SYT14: variants seen among roughly 807,000 people sequenced by gnomAD.
SYT14 encodes the protein synaptotagmin 14.
In SYT14, 32 loss-of-function variants were observed where a neutral mutation model predicts 74.2. That is an observed-to-expected ratio of 0.43 (90% CI 0.33 to 0.58). The LOEUF (loss-of-function observed/expected upper bound fraction) is 0.58. Among genes scored for constraint, SYT14 ranks in the 20% least tolerant of loss-of-function variants. SYT14 has a pLI of 0.05. For synonymous variants in SYT14, 298 were observed against 337.7 expected (o/e 0.88, Z 1.29); for missense variants, 791 against 981.8 (o/e 0.81, Z 2.60).
At position 210,134,064 on chromosome 1, in the gene SYT14, TTTTA is replaced by T. The variant is rs201522718; in HGVS notation, c.2035-21637_2035-21634del. On this transcript the variant is annotated intron_variant, in intron 7 of 9. Coordinates refer to ENST00000637265, the Ensembl canonical transcript of SYT14. ...TTGGTTAGGTTTTGTTGTTGTTGATTTTTATTTATTTATTTATTTATTTTTGAGA... is the reference window on the plus strand; with the variant it reads ...TTGGTTAGGTTTTGTTGTTGTTGATTTTTATTTATTTATTTATTTTTGAGA... Among the ~76,000 whole-genome samples, 248 of 151,734 alleles carry T rather than the reference TTTTA, an allele frequency of 1.6e-3. 1 individual carries two copies. The highest frequency in any genetic ancestry group is 5.4e-3 in the African/African-American group (224 of 41,430).
intron 7 of SYT14, among the ~76,000 whole-genome samples, chr1:210,150,389 C>T (rs78543387): frequency 0.037 from 5,687 of 152,260 alleles, 624 homozygotes; most frequent in East Asian, 0.23. Context: ...CCTGGCTCTC[C>T]TTTACGCTAG....
At chr1:209,985,597 T>A (rs1219651670) in intron 2 of SYT14, among the ~76,000 whole-genome samples, 1 of 152,230 alleles carries the variant, frequency 6.6e-6, no homozygotes, top group Non-Finnish European at 1.5e-5. Context: ...TTTCCACAGC[T>A]CCACTAGGAG....
At chr1:210,023,749 G>C (rs2102964290) in intron 5 of SYT14, among the ~76,000 whole-genome samples, 1 of 152,316 alleles carries the variant, frequency 6.6e-6, no homozygotes, top group South Asian at 2.1e-4. Context: ...AGGTGAGTTA[G>C]ACTTGAGTGA....
chr1:209,953,711 A>G (rs758353335), intron 2 of SYT14, among the ~76,000 whole-genome samples: 1 of 152,166 alleles, frequency 6.6e-6, no homozygotes, highest in Admixed American at 6.5e-5. Flanking sequence ...AATTTATGTG[A>G]CTATTGTTGA....
At position 210,000,613 on chromosome 1, in the gene SYT14, C is replaced by CTTTTTTTTTTTTTTTTTTTTTTTTTT. The variant is rs71146203; in HGVS notation, c.-485-13001_-485-13000insTTTTTTTTTTTTTTTTTTTTTTTTTT. 1.8e-4 allele frequency among the ~76,000 whole-genome samples: 19 copies of CTTTTTTTTTTTTTTTTTTTTTTTTTT among 105,422 alleles called. 4 individuals carry two copies. The East Asian group carries it at 2.0e-3, about 11-fold the overall frequency. 69.2% of individuals were successfully genotyped at this position (105,422 alleles called of 152,430 possible). ...TTTCATTAGGGCTGTTTTATGCCTT[C>CTTTTTTTTTTTTTTTTTTTTTTTTTT]TTTTTTTTTTTTTTTTTTTGAGATA... On this transcript the variant is annotated intron_variant, in intron 2 of 9. Transcript: ENST00000637265.
chr1:210,105,665 A>G (rs954957813), intron 7 of SYT14, among the ~76,000 whole-genome samples: 1 of 152,162 alleles, frequency 6.6e-6, no homozygotes, highest in African/African-American at 2.4e-5. Flanking sequence ...TTCCCCTCCA[A>G]ATCTCATGTT....
At chr1:210,069,747 CGT>C (rs2102439363) in intron 5 of SYT14, among the ~76,000 whole-genome samples, 1 of 151,740 alleles carries the variant, frequency 6.6e-6, no homozygotes, top group South Asian at 2.1e-4. Flanking sequence ...CTTATTTGAA[CGT>C]GTTTTTGCTA....
At chr1:210,009,671 T>A (rs227218) in intron 2 of SYT14, among the ~76,000 whole-genome samples, 51,299 of 151,852 alleles carry the variant, frequency 0.34, 9,735 homozygotes, top group Non-Finnish European at 0.42. Flanking sequence ...GAGGGAAAAA[T>A]TTTCAAATTT....
At chr1:209,985,241 G>C (rs1410578618) in intron 2 of SYT14, among the ~76,000 whole-genome samples, 1 of 152,250 alleles carries the variant, frequency 6.6e-6, no homozygotes, top group Non-Finnish European at 1.5e-5. Context: ...CCAAGATACA[G>C]TGTGGATAGA....
chr1:210,106,703 A>G (rs1420182431), intron 7 of SYT14, among the ~76,000 whole-genome samples: 2 of 152,150 alleles, frequency 1.3e-5, no homozygotes, highest in African/African-American at 4.8e-5. Context: ...GGTTCCTCCC[A>G]TGGAGGCGGG....
intron 7 of SYT14, among the ~76,000 whole-genome samples, chr1:210,137,304 C>G (rs946473182): frequency 6.6e-6 from 1 of 152,080 alleles, no homozygotes; most frequent in African/African-American, 2.4e-5. Context: ...CATACCCCCA[C>G]CAAAAATCAT....
At chr1:210,158,433 A>T (rs904490697) in intron 8 of SYT14, among the ~76,000 whole-genome samples, 1 of 152,216 alleles carries the variant, frequency 6.6e-6, no homozygotes, top group Non-Finnish European at 1.5e-5. Context: ...TTTGCCACTC[A>T]TGCTTTAGCT....
chr1:209,999,470 C>A (rs566146743), intron 2 of SYT14, among the ~76,000 whole-genome samples: 35 of 152,198 alleles, frequency 2.3e-4, no homozygotes, highest in African/African-American at 7.7e-4. Flanking sequence ...TCTTGCAGCA[C>A]TATTCACAAT....
intron 2 of SYT14, among the ~76,000 whole-genome samples, chr1:209,969,425 T>A (rs1383394156): frequency 6.6e-6 from 1 of 152,128 alleles, no homozygotes; most frequent in Non-Finnish European, 1.5e-5. Context: ...GTTTTTACTT[T>A]TTAATAATAG....
intron 1 of SYT14, among the ~76,000 whole-genome samples, chr1:209,949,035 T>C (rs2102667619): frequency 6.6e-6 from 1 of 152,330 alleles, no homozygotes; most frequent in Non-Finnish European, 1.5e-5. Context: ...TAAGTCAAGG[T>C]ATGTCTGCAG....
chr1:210,131,043 T>C (rs554853404), intron 7 of SYT14, among the ~76,000 whole-genome samples: 1 of 152,340 alleles, frequency 6.6e-6, no homozygotes, highest in East Asian at 1.9e-4. Flanking sequence ...AAACTCACGG[T>C]ATTCATAAAT....
chr1:210,052,014 A>G (rs1345190728), intron 5 of SYT14, among the ~76,000 whole-genome samples: 1 of 152,190 alleles, frequency 6.6e-6, no homozygotes, highest in African/African-American at 2.4e-5. Context: ...GCATATGTAT[A>G]GTCAAATTTC....
rs1375857380 is a variant in SYT14 at position 210,132,802 on chromosome 1, A to G, written c.2035-22919A>G. Among the ~76,000 whole-genome samples, 4 of 152,124 alleles carry G rather than the reference A, an allele frequency of 2.6e-5. No individual in the cohort carries two copies. The South Asian group carries it at 8.3e-4, about 32-fold the overall frequency. ...TGGTGGAACTGTCCATGGTACTGAC[A>G]AGTCCCTAGCCTCTCTTCTGGATTC... On this transcript the variant is annotated intron_variant, in intron 7 of 9. Transcript: ENST00000637265.
chr1:210,142,756 C>CTT (rs2082943927), intron 7 of SYT14, among the ~76,000 whole-genome samples: 1 of 151,104 alleles, frequency 6.6e-6, no homozygotes, highest in Non-Finnish European at 1.5e-5. Flanking sequence ...CTCTGCACCC[C>CTT]TTCCTCCCCC....
Sources: gnomAD v4.1 joint callset for allele counts (sites outside exome capture counted in the v4.1 genomes callset) on GRCh38, gnomAD v4.1.1 for gene constraint, MANE v1.5 for transcripts, NCBI Gene and HGNC (gene_info 2026-07-23, HGNC 2026-07-21) for gene names.